The following RMDN2 variants were observed in gnomAD, a reference collection of about 807,000 sequenced individuals.
The protein encoded by RMDN2 is regulator of microtubule dynamics 2, also known as regulator of microtubule dynamics protein 2.
Under a neutral mutation model 52.8 loss-of-function variants are expected in RMDN2, and 61 were observed. The ratio of observed to expected loss-of-function variants is 1.16; its 90% CI spans 0.94 to 1.43. RMDN2 has a LOEUF of 1.43. RMDN2 is among the 40% of genes most tolerant of loss of function. The pLI, the probability that RMDN2 is intolerant of heterozygous loss-of-function variation, is 0.00. For missense variants in RMDN2, 592 were observed against 475.3 expected (o/e 1.25, Z -2.28); for synonymous variants, 180 against 153.1 (o/e 1.18, Z -1.30).
chr2:37,989,731 G>C, intron 6 of RMDN2, 115 bp downstream of exon 6: 3 of 617,644 alleles, frequency 4.9e-6, no homozygotes, highest in Non-Finnish European at 8.1e-6. Context: ...GTATAAACCA[G>C]ATTATTCAAC....
intron 10 of RMDN2, among the ~76,000 whole-genome samples, chr2:38,035,718 G>C (rs149951263): frequency 6.6e-6 from 1 of 152,282 alleles, no homozygotes; most frequent in Non-Finnish European, 1.5e-5. Flanking sequence ...GATAGGATAG[G>C]CTATGAATTA....
chr2:37,968,542 T>C (rs921829134), intron 2 of RMDN2, among the ~76,000 whole-genome samples: 1 of 152,118 alleles, frequency 6.6e-6, no homozygotes, highest in African/African-American at 2.4e-5. Flanking sequence ...GATGTACTTA[T>C]GTAAATACAC....
intron 10 of RMDN2, chr2:38,036,147 C>T (rs372907678): frequency 5.9e-5 from 9 of 152,160 alleles, no homozygotes; most frequent in African/African-American, 2.2e-4. Flanking sequence ...ATGAAGATCT[C>T]ACCTCAGAGA....
At chr2:37,941,025 G>A (rs1250027427) in intron 2 of RMDN2, among the ~76,000 whole-genome samples, 2 of 152,188 alleles carry the variant, frequency 1.3e-5, no homozygotes, top group Admixed American at 6.5e-5. Context: ...TCATCTTCGT[G>A]TATTTATTTA....
chr2:37,978,999 A>G (rs1434316852), intron 4 of RMDN2, among the ~76,000 whole-genome samples: 1 of 152,190 alleles, frequency 6.6e-6, no homozygotes, highest in African/African-American at 2.4e-5. Flanking sequence ...TGAAATTCGT[A>G]AAGAAATAGG....
chr2:38,053,468 C>G (rs1411690111), intron 10 of RMDN2, among the ~76,000 whole-genome samples: 1 of 152,156 alleles, frequency 6.6e-6, no homozygotes, highest in Non-Finnish European at 1.5e-5. Flanking sequence ...AAGCTATTTT[C>G]AAGGGCTCCA....
chr2:38,014,937 T>G (rs1352391927), intron 10 of RMDN2, among the ~76,000 whole-genome samples: 1 of 152,218 alleles, frequency 6.6e-6, no homozygotes, highest in African/African-American at 2.4e-5. Flanking sequence ...AAAATAAAAC[T>G]GGTACTGCAA....
At chr2:37,985,454 T>C (rs1673875885) in intron 5 of RMDN2, among the ~76,000 whole-genome samples, 2 of 152,116 alleles carry the variant, frequency 1.3e-5, no homozygotes. Context: ...AGTAAAGCAC[T>C]GAGGCAAGTT....
intron 2 of RMDN2, among the ~76,000 whole-genome samples, chr2:37,931,978 T>G (rs1572679346): frequency 6.6e-6 from 1 of 152,300 alleles, no homozygotes; most frequent in South Asian, 2.1e-4. Flanking sequence ...TAGCTCTCCT[T>G]TAGAAAAATA....
At chr2:37,959,269 A>T (rs2125005035) in intron 2 of RMDN2, among the ~76,000 whole-genome samples, 1 of 151,030 alleles carries the variant, frequency 6.6e-6, no homozygotes, top group African/African-American at 2.5e-5. Context: ...TCAGCTGTGA[A>T]TCCATCTGGA....
intron 8 of RMDN2, among the ~76,000 whole-genome samples, chr2:38,000,191 A>C (rs1407526717): frequency 6.6e-6 from 1 of 152,140 alleles, no homozygotes; most frequent in Non-Finnish European, 1.5e-5. Context: ...AAACTATAGC[A>C]TGCTTCCCAC....
intron 2 of RMDN2, among the ~76,000 whole-genome samples, chr2:37,933,652 A>G (rs1245780879): frequency 2.0e-5 from 3 of 152,244 alleles, no homozygotes; most frequent in African/African-American, 4.8e-5. Flanking sequence ...TGCGCCTGCA[A>G]TGGCAGGCAC....
chr2:37,960,788 T>A (rs1670113993), intron 2 of RMDN2, among the ~76,000 whole-genome samples: 1 of 152,182 alleles, frequency 6.6e-6, no homozygotes, highest in African/African-American at 2.4e-5. Flanking sequence ...ATAGTGACAT[T>A]GGTCTGTGTA....
At position 38,013,982 on chromosome 2, in the gene RMDN2, G is replaced by A. The variant is rs368820924; in HGVS notation, c.1180-3204G>A. ...AGCACTTTGGGCGGCCGAGGCGGGC[G>A]GATCACCTGAGGTCGGGAGTTCGAG... On this transcript the variant is annotated intron_variant, in intron 10 of 10. Transcript: ENST00000354545. Among the ~76,000 whole-genome samples the A allele has an allele frequency of 4.9e-4, 74 of 152,234 alleles. No homozygotes were observed. The South Asian group carries it at 0.012, about 24-fold the overall frequency.
intron 4 of RMDN2, among the ~76,000 whole-genome samples, chr2:37,978,826 G>T (rs1332879010): frequency 1.6e-5 from 2 of 121,770 alleles, no homozygotes; most frequent in Admixed American, 1.7e-4. Context: ...AGAACAGGCT[G>T]TTTGCGAGCA....
rs1055698140 is a variant in RMDN2, at chr2:37,934,597, C to T, written c.452+4868C>T. Among the ~76,000 whole-genome samples the T allele has an allele frequency of 2.0e-5, 3 of 152,010 alleles. No individual in the cohort carries two copies. The East Asian group carries it at 5.8e-4, about 29-fold the overall frequency. On this transcript the variant is annotated intron_variant, in intron 2 of 10. Coordinates refer to ENST00000354545, the MANE Select transcript of RMDN2 (RefSeq NM_001170791.3). ...TCACTCCGAGGCAGAATCAGCTATG[C>T]TGTGGCAGCATCAGTTTCTTTCAGT...
At chr2:38,038,039 G>T (rs1449884043) in intron 10 of RMDN2, among the ~76,000 whole-genome samples, 1 of 152,074 alleles carries the variant, frequency 6.6e-6, no homozygotes. Flanking sequence ...GACCTCCGAG[G>T]CTCCTGCCAT....
intron 2 of RMDN2, among the ~76,000 whole-genome samples, chr2:37,965,516 A>G (rs1670922866): frequency 6.6e-6 from 1 of 151,112 alleles, no homozygotes; most frequent in Non-Finnish European, 1.5e-5. Flanking sequence ...CAGCTCCACC[A>G]CCCATGTATT....
chr2:37,987,302 A>G (rs1480747943), intron 5 of RMDN2, among the ~76,000 whole-genome samples: 2 of 152,204 alleles, frequency 1.3e-5, no homozygotes, highest in East Asian at 1.9e-4. Context: ...CAAATATTCA[A>G]CAGGCGAATG....
Sources: gnomAD v4.1 joint callset for allele counts (sites outside exome capture counted in the v4.1 genomes callset) on GRCh38, gnomAD v4.1.1 for gene constraint, MANE v1.5 for transcripts, NCBI Gene and HGNC (gene_info 2026-07-23, HGNC 2026-07-21) for gene names.